KCNT2: variants seen among roughly 807,000 people sequenced by gnomAD.
KCNT2 encodes potassium sodium-activated channel subfamily T member 2, also known as potassium channel subfamily T member 2.
Under a neutral mutation model 153.8 loss-of-function variants are expected in KCNT2, and 67 were observed. The ratio of observed to expected loss-of-function variants is 0.44; its 90% CI spans 0.36 to 0.53. The LOEUF (loss-of-function observed/expected upper bound fraction) is 0.53. Among genes scored for constraint, KCNT2 ranks in the 20% least tolerant of loss-of-function variants. KCNT2 has a pLI of 0.00. For synonymous variants in KCNT2, 500 were observed against 458.8 expected (o/e 1.09, Z -1.15); for missense variants, 975 against 1,354.8 (o/e 0.72, Z 4.40).
chr1:196,346,961 T>C (rs1201557868), intron 14 of KCNT2, among the ~76,000 whole-genome samples: 2 of 152,280 alleles, frequency 1.3e-5, no homozygotes, highest in Admixed American at 1.3e-4. Context: ...CCTGGTAATC[T>C]ATGAGATATA....
chr1:196,551,881 C>T (rs2148899051), intron 1 of KCNT2, among the ~76,000 whole-genome samples: 1 of 151,678 alleles, frequency 6.6e-6, no homozygotes, highest in Admixed American at 6.6e-5. Flanking sequence ...ATTCACTCTT[C>T]CACCTGCCCT....
intron 22 of KCNT2, among the ~76,000 whole-genome samples, chr1:196,297,056 AT>A (rs1348720892): frequency 6.6e-6 from 1 of 152,002 alleles, no homozygotes; most frequent in Non-Finnish European, 1.5e-5. Context: ...TTTGTGACTT[AT>A]AAGCATTTTT....
intron 3 of KCNT2, among the ~76,000 whole-genome samples, chr1:196,483,844 C>A (rs147269143): frequency 7.5e-4 from 114 of 152,164 alleles, no homozygotes; most frequent in Middle Eastern, 6.8e-3. Flanking sequence ...CATTATAAAC[C>A]CAATGCCTTG....
chr1:196,304,710 A>G (rs1392636201), intron 22 of KCNT2, among the ~76,000 whole-genome samples: 1 of 152,154 alleles, frequency 6.6e-6, no homozygotes, highest in African/African-American at 2.4e-5. Flanking sequence ...CATTGTCTCT[A>G]TTAGCATTAT....
At chr1:196,583,356 G>A (rs945133308) in intron 1 of KCNT2, among the ~76,000 whole-genome samples, 1 of 152,040 alleles carries the variant, frequency 6.6e-6, no homozygotes, top group Non-Finnish European at 1.5e-5. Context: ...GTTTCAAAGA[G>A]ATGACAAAAT....
chr1:196,231,148 G>T (rs150856928), intron 27 of KCNT2, among the ~76,000 whole-genome samples: 28 of 151,916 alleles, frequency 1.8e-4, no homozygotes, highest in African/African-American at 6.5e-4. Context: ...CTCCCTGAAG[G>T]CTCAGATGAC....
chr1:196,385,766 T>TAAA (rs11455621), intron 13 of KCNT2, among the ~76,000 whole-genome samples: 80 of 145,034 alleles, frequency 5.5e-4, no homozygotes, highest in Admixed American at 1.5e-3. Flanking sequence ...ATTTCTGCAT[T>TAAA]AAAAAAATAT....
At chr1:196,286,696 TG>T (rs1178693350) in intron 22 of KCNT2, among the ~76,000 whole-genome samples, 5 of 151,294 alleles carry the variant, frequency 3.3e-5, no homozygotes, top group African/African-American at 1.2e-4. Flanking sequence ...GCTTACGAGT[TG>T]GGGGGTGATA....
At chr1:196,483,572 T>C (rs1052167056) in intron 3 of KCNT2, among the ~76,000 whole-genome samples, 1 of 152,224 alleles carries the variant, frequency 6.6e-6, no homozygotes, top group Non-Finnish European at 1.5e-5. Context: ...GACTCATTCC[T>C]TCCTTCTACA....
chr1:196,448,119 T>A (rs1675853262), intron 8 of KCNT2, among the ~76,000 whole-genome samples: 1 of 151,644 alleles, frequency 6.6e-6, no homozygotes, highest in South Asian at 2.1e-4. Context: ...AAGGCTTCAA[T>A]GCATGAAAAA....
chr1:196,233,145 T>C (rs1000526030), intron 27 of KCNT2, among the ~76,000 whole-genome samples: 2 of 151,438 alleles, frequency 1.3e-5, no homozygotes, highest in African/African-American at 4.8e-5. Flanking sequence ...AAGTGCATCA[T>C]AAATAAGATG....
chr1:196,294,499 C>T (rs1172721231), intron 22 of KCNT2, among the ~76,000 whole-genome samples: 2 of 152,048 alleles, frequency 1.3e-5, no homozygotes, highest in Non-Finnish European at 2.9e-5. Context: ...TGATCTCAAT[C>T]TGCTGACCTC....
chr1:196,243,912 C>T (rs1451755555), intron 26 of KCNT2, among the ~76,000 whole-genome samples: 2 of 151,940 alleles, frequency 1.3e-5, no homozygotes, highest in Non-Finnish European at 2.9e-5. Context: ...CCAGGCGGTG[C>T]AGCTCACAGC....
At chr1:196,335,334 A>G (rs1321906072) in intron 16 of KCNT2, among the ~76,000 whole-genome samples, 1 of 152,078 alleles carries the variant, frequency 6.6e-6, no homozygotes, top group African/African-American at 2.4e-5. Flanking sequence ...GAGGTAGCCT[A>G]CTATCCTAGG....
At chr1:196,561,269 T>A (rs923832056) in intron 1 of KCNT2, among the ~76,000 whole-genome samples, 35 of 151,320 alleles carry the variant, frequency 2.3e-4, no homozygotes, top group African/African-American at 7.5e-4. Context: ...GAAAAAATGG[T>A]CAAAGTTTTA....
intron 1 of KCNT2, among the ~76,000 whole-genome samples, chr1:196,501,738 T>A (rs1680714340): frequency 6.6e-6 from 1 of 152,106 alleles, no homozygotes; most frequent in African/African-American, 2.4e-5. Flanking sequence ...TCCTCTTAAA[T>A]CTATAAAAAT....
chr1:196,232,986 G>A (rs1240523806), intron 27 of KCNT2, among the ~76,000 whole-genome samples: 2 of 151,090 alleles, frequency 1.3e-5, no homozygotes, highest in Non-Finnish European at 3.0e-5. Context: ...ATTAATATGG[G>A]TAGATTAGAT....
At chr1:196,305,745 A>G (rs1314300014) in intron 21 of KCNT2, among the ~76,000 whole-genome samples, 1 of 152,136 alleles carries the variant, frequency 6.6e-6, no homozygotes, top group African/African-American at 2.4e-5. Flanking sequence ...CTTCTTGTCT[A>G]CTATGTGAGC....
At chr1:196,547,151 G>C (rs1040520791) in intron 1 of KCNT2, among the ~76,000 whole-genome samples, 1 of 151,930 alleles carries the variant, frequency 6.6e-6, no homozygotes, top group African/African-American at 2.4e-5. Context: ...TCCTTGTGGA[G>C]AGAATAAAAA....
Sources: allele counts gnomAD v4.1 joint callset (sites outside exome capture counted in the v4.1 genomes callset), GRCh38; gene constraint gnomAD v4.1.1; transcripts MANE v1.5; gene names NCBI Gene and HGNC (gene_info 2026-07-23, HGNC 2026-07-21).